The following CNTNAP2 variants were observed in gnomAD, a reference collection of about 807,000 sequenced individuals.
CNTNAP2 encodes the protein contactin associated protein 2.
A neutral mutation model predicts 155.2 loss-of-function variants in CNTNAP2; 98 were observed. The ratio of observed to expected loss-of-function variants is 0.63; its 90% confidence interval spans 0.54 to 0.75. The LOEUF is 0.75. CNTNAP2 is among the 30% of genes least tolerant of loss of function. CNTNAP2 has a pLI of 0.00. For synonymous variants in CNTNAP2, 651 were observed against 631.2 expected (o/e 1.03, Z -0.47); for missense variants, 1,727 against 1,688.1 (o/e 1.02, Z -0.40).
intron 2 of CNTNAP2, among the ~76,000 whole-genome samples, chr7:146,826,857 T>TATATATATAG (rs773069615): frequency 7.9e-5 from 11 of 138,972 alleles, no homozygotes; most frequent in African/African-American, 5.4e-5. Context: ...TATATATATA[T>TATATATATAG]AGAGAGAGAG....
At chr7:146,206,328 ATACG>A (rs534462043) in intron 1 of CNTNAP2, among the ~76,000 whole-genome samples, 302 of 152,018 alleles carry the variant, frequency 2.0e-3, no homozygotes, top group Non-Finnish European at 3.7e-3. Context: ...AATGAAACAT[ATACG>A]TGAAATTATT....
chr7:147,734,084 G>T (rs1351543360), intron 13 of CNTNAP2, among the ~76,000 whole-genome samples: 2 of 152,142 alleles, frequency 1.3e-5, no homozygotes, highest in African/African-American at 2.4e-5. Flanking sequence ...GGGCATCCTG[G>T]TCTTGTGCCT....
chr7:147,212,767 A>G (rs900714426), intron 8 of CNTNAP2, among the ~76,000 whole-genome samples: 4 of 152,178 alleles, frequency 2.6e-5, no homozygotes, highest in Non-Finnish European at 5.9e-5. Context: ...ACAAAATTGT[A>G]TTCTTGCATT....
At chr7:146,932,245 A>T (rs1796778647) in intron 3 of CNTNAP2, among the ~76,000 whole-genome samples, 1 of 152,216 alleles carries the variant, frequency 6.6e-6, no homozygotes, top group Non-Finnish European at 1.5e-5. Context: ...ACCTTGATCA[A>T]GTGGGCTTCA....
chr7:147,832,516 A>C (rs1469876977), intron 13 of CNTNAP2, among the ~76,000 whole-genome samples: 1 of 145,738 alleles, frequency 6.9e-6, no homozygotes, highest in East Asian at 2.0e-4. Context: ...AGTATATTTA[A>C]TTATATTTCA....
intron 18 of CNTNAP2, among the ~76,000 whole-genome samples, chr7:148,203,193 G>A (rs1367226291): frequency 1.3e-5 from 2 of 151,996 alleles, no homozygotes; most frequent in Non-Finnish European, 2.9e-5. Context: ...GGAGAGGTGG[G>A]GGAATAAAAT....
chr7:147,259,223 T>A (rs1804400840), intron 8 of CNTNAP2, among the ~76,000 whole-genome samples: 1 of 152,216 alleles, frequency 6.6e-6, no homozygotes, highest in East Asian at 1.9e-4. Flanking sequence ...TATATCTAAC[T>A]GTCAGAATAG....
rs71182188 is a variant in CNTNAP2 at position 147,272,664 on chromosome 7, A to ATTTTTTTTTTTTTTTTTT, written c.1349-27461_1349-27460insTTTTTTTTTTTTTTTTTT. Among the ~76,000 whole-genome samples, 155 of 138,868 alleles carry ATTTTTTTTTTTTTTTTTT rather than the reference A, an allele frequency of 1.1e-3. 1 individual carries two copies. Among genetic ancestry groups the ATTTTTTTTTTTTTTTTTT allele is most frequent in the Non-Finnish European group, 1.8e-3 (114 of 63,350 alleles). The allele number at this position is 138,868 out of a possible 152,430, so 91.1% of individuals were successfully genotyped here. A position where few individuals can be genotyped will look rare whatever the true frequency, so the allele number is the denominator to read the frequency against. On this transcript the variant is annotated intron_variant, in intron 8 of 23. Transcript: ENST00000361727. ...CAGGCGCCGCCACCACGCCCGGCTAATTTTTTTTTTTTTTTTGTATTTGTA... is the reference window on the plus strand; with the variant it reads ...CAGGCGCCGCCACCACGCCCGGCTAATTTTTTTTTTTTTTTTTTTTTTTTTTTTTTTTTTGTATTTGTA...
intron 1 of CNTNAP2, among the ~76,000 whole-genome samples, chr7:146,615,120 A>G (rs1377859309): frequency 6.6e-6 from 1 of 152,216 alleles, no homozygotes; most frequent in East Asian, 1.9e-4. Context: ...ATGAAATTGT[A>G]TCCTCTGCCT....
At chr7:146,764,884 T>C (rs1363187394) in intron 1 of CNTNAP2, among the ~76,000 whole-genome samples, 3 of 152,156 alleles carry the variant, frequency 2.0e-5, no homozygotes, top group African/African-American at 7.2e-5. Context: ...TGCCATAAGC[T>C]ATTAAAATTG....
intron 10 of CNTNAP2, among the ~76,000 whole-genome samples, chr7:147,434,123 G>A (rs1797509554): frequency 6.6e-6 from 1 of 152,148 alleles, no homozygotes; most frequent in African/African-American, 2.4e-5. Flanking sequence ...GAAGAAATAT[G>A]TTCTTGATGC....
At chr7:147,313,188 A>T (rs1006179130) in intron 9 of CNTNAP2, among the ~76,000 whole-genome samples, 1 of 151,840 alleles carries the variant, frequency 6.6e-6, no homozygotes, top group African/African-American at 2.4e-5. Flanking sequence ...GCAGGTTGCA[A>T]AACTTTTCTC....
At position 147,039,186 on chromosome 7, in the gene CNTNAP2, A is replaced by G. The variant is rs568692883; in HGVS notation, c.403-4721A>G. ...CAGTATTGTATGTGTAGGTATACAT[A>G]TATGTGTATGTGTGTATGTGTATAT... On this transcript the variant is annotated intron_variant, in intron 3 of 23. Transcript: ENST00000361727. Among the ~76,000 whole-genome samples the G allele has an allele frequency of 4.3e-5, 6 of 139,846 alleles. No individual in the cohort carries two copies. The South Asian group carries it at 1.5e-3, about 35-fold the overall frequency. 91.7% of individuals were successfully genotyped at this position (139,846 alleles called of 152,430 possible). A position where few individuals can be genotyped will look rare whatever the true frequency, so the allele number is the denominator to read the frequency against.
intron 13 of CNTNAP2, among the ~76,000 whole-genome samples, chr7:147,793,303 G>T (rs1247795118): frequency 6.6e-6 from 1 of 152,004 alleles, no homozygotes; most frequent in Admixed American, 6.6e-5. Context: ...TTTCATCTAA[G>T]AATTTAATAG....
At chr7:146,284,947 C>T (rs113801594) in intron 1 of CNTNAP2, among the ~76,000 whole-genome samples, 5 of 152,154 alleles carry the variant, frequency 3.3e-5, no homozygotes, top group Admixed American at 2.0e-4. Flanking sequence ...TGCTGCTGAG[C>T]GGTGTTAATA....
intron 1 of CNTNAP2, among the ~76,000 whole-genome samples, chr7:146,310,083 A>G (rs1262293944): frequency 6.6e-6 from 1 of 152,216 alleles, no homozygotes; most frequent in African/African-American, 2.4e-5. Context: ...TAGTGTGTCA[A>G]AAAACTAAAC....
intron 15 of CNTNAP2, among the ~76,000 whole-genome samples, chr7:147,987,240 T>C (rs568908933): frequency 6.6e-6 from 1 of 152,342 alleles, no homozygotes; most frequent in East Asian, 1.9e-4. Context: ...CCAGAGTGAC[T>C]TTAAACAATT....
intron 13 of CNTNAP2, among the ~76,000 whole-genome samples, chr7:147,824,583 A>C (rs1798416602): frequency 6.6e-6 from 1 of 152,158 alleles, no homozygotes; most frequent in African/African-American, 2.4e-5. Context: ...TATGAGTATC[A>C]AAAAAGGTAA....
At chr7:146,830,123 C>G (rs551597199) in intron 2 of CNTNAP2, among the ~76,000 whole-genome samples, 2 of 152,156 alleles carry the variant, frequency 1.3e-5, no homozygotes, top group East Asian at 3.9e-4. Flanking sequence ...TCTAATTTTA[C>G]TATAATCGAA....
Sources: allele counts gnomAD v4.1 joint callset (sites outside exome capture counted in the v4.1 genomes callset), GRCh38; gene constraint gnomAD v4.1.1; transcripts MANE v1.5; gene names NCBI Gene and HGNC (gene_info 2026-07-23, HGNC 2026-07-21).